The following GEN1 variants were observed in gnomAD, a reference collection of about 807,000 sequenced individuals.
GEN1 encodes GEN1 structure-specific endonuclease.
In GEN1, 64 loss-of-function variants were observed where a neutral mutation model predicts 67.6. The observed-to-expected ratio is 0.95, with a 90% CI of 0.77 to 1.17. The LOEUF is 1.17. GEN1 is among the 50% of genes most tolerant of loss of function. GEN1 has a pLI of 0.00. For synonymous variants in GEN1, 371 were observed against 359.4 expected (o/e 1.03, Z -0.37); for missense variants, 1,058 against 1,048.3 (o/e 1.01, Z -0.13).
At chr2:17,765,490 G>A (rs894403055) in intron 4 of GEN1, among the ~76,000 whole-genome samples, 2 of 152,158 alleles carry the variant, frequency 1.3e-5, no homozygotes, top group African/African-American at 4.8e-5. Context: ...TCATTGATAG[G>A]GACATGGTTA....
chr2:17,764,900 C>G lies in GEN1; in HGVS notation c.352C>G (p.Leu118Val). ...TGCACCTGCTTTTTGTTTTCAGTGC[C>G]TCCATATGCTCGAATGCTTAGGAAT... ...SHFKSVLRECLHMLECLGIPW... is the reference protein window; with the variant it reads ...SHFKSVLRECVHMLECLGIPW... Residue 118 changes from leucine to valine, a missense_variant, in exon 4 of 14, where the codon CTC (leucine) becomes GTC (valine). By Grantham distance (32) the Leu-to-Val change is conservative (BLOSUM62 1). Transcript: ENST00000381254. The G allele has an allele frequency of 6.2e-7, 1 of 1,611,626 alleles. No homozygotes were observed. The highest frequency in any genetic ancestry group is 8.5e-7 in the Non-Finnish European group (1 of 1,179,218).
In GEN1 at chr2:17,774,290, T is replaced by C; in HGVS notation, c.1091T>C (p.Met364Thr). The change falls in exon 11 of 14, where the codon ATG (methionine) becomes ACG (threonine). Residue 364 changes from methionine (M) to threonine (T), a missense_variant. Physicochemically the swap from Met to Thr is moderately conservative, Grantham distance 81 (BLOSUM62 -1). Transcript: ENST00000381254. ...TTATAGAGATTTACTCTTGAAAAAA[T>C]GGAGTGGCCCAATCACTATGCATGT... ...LLFQRFTLEK[M>T]EWPNHYACEK... The C allele has an allele frequency of 6.4e-7, 1 of 1,565,576 alleles. No individual in the cohort carries two copies. Among genetic ancestry groups the C allele is most frequent in the South Asian group, 1.2e-5 (1 of 83,814 alleles).
chr2:17,766,558 C>T, intron 4 of GEN1, 21 bp from the exon 5 acceptor site: 1 of 1,283,202 alleles, frequency 7.8e-7, no homozygotes, highest in Non-Finnish European at 1.1e-6. Context: ...GAGGATTAAA[C>T]TAAATCTGTT....
At position 17,778,281 on chromosome 2, in the gene GEN1, TACAC is replaced by T. The variant is rs200235382; in HGVS notation, c.1264+224_1264+227del. On this transcript the variant is annotated intron_variant, in intron 12 of 13. Coordinates refer to ENST00000381254, the MANE Select transcript of GEN1 (RefSeq NM_001130009.3). ...ACATATGTGTGTACATATATGTATA[TACAC>T]ACACATGTGTGTGTACATATATGTA... is the stretch of plus-strand genomic sequence containing the variant. Among the ~76,000 whole-genome samples the T allele has an allele frequency of 1.7e-3, 106 of 63,616 alleles. 28 individuals carry two copies. The highest frequency in any genetic ancestry group is 2.3e-3 in the Non-Finnish European group (80 of 34,474). The allele number at this position is 63,616 out of a possible 152,430, so 41.7% of individuals were successfully genotyped here.
intron 6 of GEN1, among the ~76,000 whole-genome samples, chr2:17,770,869 AG>A (rs1672149803): frequency 6.8e-6 from 1 of 147,538 alleles, no homozygotes; most frequent in Non-Finnish European, 1.5e-5. Flanking sequence ...GCCTAACTTA[AG>A]ATTCTTCAAA....
chr2:17,772,837 C>T lies in GEN1; in HGVS notation c.953+53C>T. 3 of 1,406,954 alleles carry T rather than the reference C, an allele frequency of 2.1e-6. No individual in the cohort carries two copies. In the South Asian group the frequency reaches 4.0e-5, roughly 19 times the overall value. 87.2% of individuals were successfully genotyped at this position (1,406,954 alleles called of 1,614,324 possible). On this transcript the variant is annotated intron_variant, in intron 8 of 13. Coordinates refer to ENST00000381254, the MANE Select transcript of GEN1 (RefSeq NM_001130009.3). ...TTCCTGGCATGACCTATACACATAC[C>T]TTTGGTTGAATTATTTCCATATAAT...
chr2:17,779,143 G>T (rs300165), intron 12 of GEN1, among the ~76,000 whole-genome samples: 71,331 of 152,016 alleles, frequency 0.47, 19,068 homozygotes, highest in East Asian at 0.92. Flanking sequence ...GGCTGGTCTC[G>T]AACCCCTGAC....
chr2:17,788,650 C>G lies in GEN1; in HGVS notation c.*6711C>G, dbSNP rs1462588719. 1.3e-5 allele frequency: 2 copies of G among 152,206 alleles called. No homozygotes were observed. The highest frequency in any genetic ancestry group is 2.9e-5 in the Non-Finnish European group (2 of 68,032). The allele number at this position is 152,206 out of a possible 1,614,324, so 9.4% of individuals were successfully genotyped here. A position where few individuals can be genotyped will look rare whatever the true frequency, so the allele number is the denominator to read the frequency against. The stretch of plus-strand genomic sequence containing the variant: ...AAACTGCTTGTATATTTAGAATTCT[C>G]TGATCAAAGACCTAATGAAAAGATT... On this transcript the variant is annotated 3_prime_UTR_variant, in exon 14 of 14. Transcript: ENST00000381254.
intron 4 of GEN1, 151 bp from the exon 5 acceptor site, chr2:17,766,428 T>A (rs1671936000): frequency 3.9e-6 from 2 of 508,724 alleles, no homozygotes; most frequent in Middle Eastern, 4.7e-4. Flanking sequence ...CCTTGGCCTC[T>A]CAGAGTGCTG....
In GEN1 at chr2:17,761,714, A is replaced by AT. The variant is rs1671689449; in HGVS notation, c.348+138dup. 4 of 643,282 alleles carry AT rather than the reference A, an allele frequency of 6.2e-6. No homozygotes were observed. In the East Asian group the frequency reaches 1.2e-4, roughly 20 times the overall value. The allele number at this position is 643,282 out of a possible 1,614,324, so 39.8% of individuals were successfully genotyped here. A position where few individuals can be genotyped will look rare whatever the true frequency, so the allele number is the denominator to read the frequency against. ...GGGATGTGCCTAGAGAAAAGAGTTT[A>AT]TTTTTTAGAGTGAAATTGACCTGAG... is the stretch of plus-strand genomic sequence containing the variant. On this transcript the variant is annotated intron_variant, in intron 3 of 13. Transcript: ENST00000381254.
At position 17,781,935 on chromosome 2, in the gene GEN1, C is replaced by G. The variant is rs1651072107; in HGVS notation, c.2723C>G (p.Thr908Ser). Residue 908 changes from threonine to serine, a missense_variant, in exon 14 of 14, where the codon ACT (threonine) becomes AGT (serine). By Grantham distance (58) the Thr-to-Ser change is moderately conservative. Transcript: ENST00000381254. ...RQRLKLRFQS[T>S] ...AGATTAAAACTAAGATTCCAAAGCA[C>G]TTGAAATTTAAAACACTTAGGTATA... The G allele has an allele frequency of 2.0e-6, 3 of 1,523,928 alleles. No homozygotes were observed. In the African/African-American group the frequency reaches 4.2e-5, roughly 21 times the overall value. The allele number at this position is 1,523,928 out of a possible 1,614,324, so 94.4% of individuals were successfully genotyped here.
chr2:17,786,068 A>G lies in GEN1; in HGVS notation c.*4129A>G, dbSNP rs1435578317. On this transcript the variant is annotated 3_prime_UTR_variant, in exon 14 of 14. Coordinates refer to ENST00000381254, the MANE Select transcript of GEN1 (RefSeq NM_001130009.3). The stretch of plus-strand genomic sequence containing the variant: ...TCTGTGACCCTGGAGACATTTTCTA[A>G]CTTTTCTGAGACTCATTTATTCAAA... 1.3e-5 allele frequency: 2 copies of G among 152,108 alleles called. No individual in the cohort carries two copies. The highest frequency in any genetic ancestry group is 1.3e-4 in the Admixed American group (2 of 15,266). 9.4% of individuals were successfully genotyped at this position (152,108 alleles called of 1,614,324 possible). A position where few individuals can be genotyped will look rare whatever the true frequency, so the allele number is the denominator to read the frequency against.
chr2:17,755,569 C>T (rs1412488530), intron 1 of GEN1: 1 of 151,918 alleles, frequency 6.6e-6, no homozygotes. Context: ...GTGGTAAATC[C>T]CTTAAAATAT....
intron 3 of GEN1, among the ~76,000 whole-genome samples, chr2:17,762,993 TA>T (rs1332167070): frequency 6.6e-6 from 1 of 152,218 alleles, no homozygotes; most frequent in African/African-American, 2.4e-5. Flanking sequence ...ATAGTAATGT[TA>T]AACATTTCAT....
rs1206851463 is a variant in GEN1 at position 17,771,269 on chromosome 2, T to TA, written c.784_785insA (p.Ser262TyrfsTer10). ...AGTCACTAAAAAACTGGCTCATTGT[T>TA]CCGTATGTTCCCATCCAGGTAAGGA... On this transcript the variant is annotated frameshift_variant, in exon 7 of 14. Transcript: ENST00000381254. LOFTEE classifies it high-confidence loss of function. 6 of 1,600,554 alleles carry TA rather than the reference T, an allele frequency of 3.7e-6. No homozygotes were observed. The highest frequency in any genetic ancestry group is 5.1e-6 in the Non-Finnish European group (6 of 1,168,126).
rs144389157 is a variant in GEN1, at chr2:17,757,644, A to T, written c.-15-2285A>T. Among the ~76,000 whole-genome samples the T allele has an allele frequency of 8.6e-4, 131 of 152,338 alleles. 4 individuals carry two copies. In the East Asian group the frequency reaches 0.023, roughly 26 times the overall value. On this transcript the variant is annotated intron_variant, in intron 1 of 13. Transcript: ENST00000381254. ...CACAGGACTAGTTCTAGGCAATCTGAAGGAAACCAGAAAATGTGAATTTCT... is the reference window on the plus strand; with the variant it reads ...CACAGGACTAGTTCTAGGCAATCTGTAGGAAACCAGAAAATGTGAATTTCT...
At chr2:17,778,753 T>G (rs945883999) in intron 12 of GEN1, among the ~76,000 whole-genome samples, 4 of 151,600 alleles carry the variant, frequency 2.6e-5, no homozygotes, top group Admixed American at 2.6e-4. Flanking sequence ...ATTGTTAAAA[T>G]ACTCCTGGGG....
At chr2:17,754,396 A>C (rs966104147) in intron 1 of GEN1, 51 bp downstream of exon 1, 7 of 152,088 alleles carry the variant, frequency 4.6e-5, no homozygotes, top group African/African-American at 1.7e-4. Context: ...CCTCCCACTG[A>C]TTCCTTTGAC....
Position 17,780,151 on chromosome 2 carries a change from C to A in GEN1, c.1408+30C>A, listed in dbSNP as rs751583022. The A allele has an allele frequency of 7.6e-6, 12 of 1,577,682 alleles. No individual in the cohort carries two copies. In the Admixed American group the frequency reaches 1.4e-4, roughly 18 times the overall value. ...GTTTTGGGTTTGATAGCTATTTATGCCACATGCAAATGTTATAGAAGAGCC... is the reference window on the plus strand; with the variant it reads ...GTTTTGGGTTTGATAGCTATTTATGACACATGCAAATGTTATAGAAGAGCC... On this transcript the variant is annotated intron_variant, in intron 13 of 13. Coordinates refer to ENST00000381254, the MANE Select transcript of GEN1 (RefSeq NM_001130009.3).
Sources: gnomAD v4.1 joint callset for allele counts (sites outside exome capture counted in the v4.1 genomes callset) on GRCh38, gnomAD v4.1.1 for gene constraint, MANE v1.5 for transcripts, NCBI Gene and HGNC (gene_info 2026-07-23, HGNC 2026-07-21) for gene names.